Variants in KCNJ6 observed in about 807,000 individuals in gnomAD.
KCNJ6 encodes potassium inwardly rectifying channel subfamily J member 6, also known as G protein-activated inward rectifier potassium channel 2.
In KCNJ6, 9 loss-of-function variants were observed where a neutral mutation model predicts 34.2. The observed-to-expected ratio is 0.26, with a 90% CI of 0.16 to 0.46. KCNJ6 has a LOEUF of 0.46. KCNJ6 is among the 20% of genes least tolerant of loss of function. The pLI is 1.00. For synonymous variants in KCNJ6, 196 were observed against 207.1 expected, an observed-to-expected ratio of 0.95 and a Z score of 0.46; for missense variants, 236 against 531.3, an observed-to-expected ratio of 0.44 and a Z score of 5.46.
intron 2 of KCNJ6, among the ~76,000 whole-genome samples, chr21:37,758,572 G>A (rs2123491749): frequency 6.6e-6 from 1 of 152,322 alleles, no homozygotes. Context: ...CAACTCTTAT[G>A]AGCCAGAGGA....
intron 1 of KCNJ6, among the ~76,000 whole-genome samples, chr21:37,857,284 C>T (rs1436892624): frequency 2.6e-5 from 4 of 152,242 alleles, no homozygotes; most frequent in African/African-American, 9.6e-5. Context: ...GAGTGAGAAA[C>T]GATGCCTAGC....
chr21:37,913,289 C>T (rs140744104), intron 1 of KCNJ6, among the ~76,000 whole-genome samples: 3 of 152,328 alleles, frequency 2.0e-5, no homozygotes, highest in African/African-American at 7.2e-5. Flanking sequence ...TCCCCTCCTG[C>T]AGTTTCTTCC....
chr21:37,822,237 T>C (rs1540011), intron 2 of KCNJ6, among the ~76,000 whole-genome samples: 46,302 of 152,014 alleles, frequency 0.3, 8,012 homozygotes, highest in South Asian at 0.39. Context: ...GCAGACACCA[T>C]TTCACAATGA....
chr21:37,854,912 T>C (rs912809395), intron 1 of KCNJ6, among the ~76,000 whole-genome samples: 27 of 152,184 alleles, frequency 1.8e-4, no homozygotes, highest in African/African-American at 6.5e-4. Context: ...ACGAATATAG[T>C]TGAAGATGCC....
intron 3 of KCNJ6, among the ~76,000 whole-genome samples, chr21:37,676,812 T>G (rs560157507): frequency 1.3e-5 from 2 of 152,336 alleles, no homozygotes; most frequent in East Asian, 3.9e-4. Context: ...GGATGGCCCC[T>G]GCAACAGAGA....
intron 3 of KCNJ6, among the ~76,000 whole-genome samples, chr21:37,638,437 G>T (rs1228570830): frequency 6.6e-6 from 1 of 152,082 alleles, no homozygotes; most frequent in Non-Finnish European, 1.5e-5. Flanking sequence ...GTGAGCCACC[G>T]CTCCCAGCCA....
chr21:37,814,760 T>A (rs1055918019), intron 2 of KCNJ6, among the ~76,000 whole-genome samples: 5 of 151,674 alleles, frequency 3.3e-5, no homozygotes, highest in Non-Finnish European at 7.4e-5. Flanking sequence ...TAGCCAGGCG[T>A]GGTGGCGGGC....
intron 1 of KCNJ6, among the ~76,000 whole-genome samples, chr21:37,882,665 TG>T (rs1465429611): frequency 6.6e-6 from 1 of 152,164 alleles, no homozygotes; most frequent in Non-Finnish European, 1.5e-5. Context: ...GCTCCAACTG[TG>T]GTGGGAGGCA....
chr21:37,607,482 A>ATATATATATATATATATATATATTTTT lies in KCNJ6; in HGVS notation c.*17676_*17677insAAAAATATATATATATATATATATATA. On this transcript the variant is annotated 3_prime_UTR_variant, in exon 4 of 4. Transcript: ENST00000609713. Reference sequence around the variant, plus strand: ...CTTAAAGATATATATATATATATATATTTTTTTTTTATTTTAAAAAAATTT... The same window carrying ATATATATATATATATATATATATTTTT: ...CTTAAAGATATATATATATATATATATATATATATATATATATATATATTTTTTTTTTTTTTTATTTTAAAAAAATTT... 1 of 136,758 alleles carries ATATATATATATATATATATATATTTTT rather than the reference A, an allele frequency of 7.3e-6. No individual in the cohort carries two copies. The highest frequency in any genetic ancestry group is 2.4e-4 in the South Asian group (1 of 4,178). 8.5% of individuals were successfully genotyped at this position (136,758 alleles called of 1,614,324 possible).
intron 2 of KCNJ6, among the ~76,000 whole-genome samples, chr21:37,773,025 C>T (rs1258488974): frequency 6.6e-6 from 1 of 152,170 alleles, no homozygotes; most frequent in South Asian, 2.1e-4. Context: ...TTTTCTACTT[C>T]TCTAACACGA....
rs78129161 is a variant in KCNJ6 at position 37,649,574 on chromosome 21, C to T, written c.947-24090G>A. On this transcript the variant is annotated intron_variant, in intron 3 of 3. Transcript: ENST00000609713. ...CAAGAGGCTGTCTGCGGCACCACCG[C>T]GATGTAGCCAGACCCCGCATCACCT... Among the ~76,000 whole-genome samples, 735 of 152,268 alleles carry T rather than the reference C, an allele frequency of 4.8e-3. 11 individuals are homozygous for T. Among genetic ancestry groups the T allele is most frequent in the African/African-American group, 0.017 (698 of 41,550 alleles).
intron 3 of KCNJ6, among the ~76,000 whole-genome samples, chr21:37,692,362 C>A (rs2054643900): frequency 2.6e-5 from 4 of 151,794 alleles, no homozygotes; most frequent in Admixed American, 2.6e-4. Context: ...CAAGGAGCAG[C>A]ATTAGGGGTG....
chr21:37,844,173 C>A (rs903185369), intron 1 of KCNJ6, among the ~76,000 whole-genome samples: 18 of 151,924 alleles, frequency 1.2e-4, no homozygotes, highest in African/African-American at 4.4e-4. Flanking sequence ...ATTTTCCTGC[C>A]TTAGCCTCCC....
intron 3 of KCNJ6, among the ~76,000 whole-genome samples, chr21:37,648,960 C>A (rs754903167): frequency 4.6e-5 from 7 of 151,706 alleles, no homozygotes; most frequent in African/African-American, 9.7e-5. Flanking sequence ...GGTGAAACCC[C>A]GTCTCTACCA....
intron 1 of KCNJ6, among the ~76,000 whole-genome samples, chr21:37,847,057 CTAAT>C (rs1244854912): frequency 6.6e-6 from 1 of 152,066 alleles, no homozygotes; most frequent in Non-Finnish European, 1.5e-5. Context: ...TTAAGAATCA[CTAAT>C]TAGTTTTTTG....
chr21:37,818,913 T>A (rs1009701741), intron 2 of KCNJ6, among the ~76,000 whole-genome samples: 1 of 152,064 alleles, frequency 6.6e-6, no homozygotes, highest in Non-Finnish European at 1.5e-5. Flanking sequence ...ATATTAGACT[T>A]CCAAGGTTTT....
At position 37,903,316 on chromosome 21, in the gene KCNJ6, G is replaced by A. The variant is rs191292027; in HGVS notation, c.-28+12568C>T. On this transcript the variant is annotated intron_variant, in intron 1 of 3. Coordinates refer to ENST00000609713, the MANE Select transcript of KCNJ6 (RefSeq NM_002240.5). ...TGGTTTTATAAAGAGGCATTCCCCC[G>A]CACAAGCTCTCTTGCCTGTCACCAT... Among the ~76,000 whole-genome samples, 67 of 152,218 alleles carry A rather than the reference G, an allele frequency of 4.4e-4. 1 individual carries two copies. In the South Asian group the frequency reaches 0.013, roughly 29 times the overall value.
intron 3 of KCNJ6, among the ~76,000 whole-genome samples, chr21:37,655,560 T>C (rs1189347241): frequency 6.6e-6 from 1 of 152,114 alleles, no homozygotes; most frequent in African/African-American, 2.4e-5. Flanking sequence ...AGGTAGGACA[T>C]AGGAAGGTAG....
intron 1 of KCNJ6, among the ~76,000 whole-genome samples, chr21:37,847,519 T>G (rs2123586421): frequency 6.6e-6 from 1 of 152,288 alleles, no homozygotes; most frequent in East Asian, 1.9e-4. Flanking sequence ...TCTTCAATCA[T>G]CCGATGCTGA....
Sources: allele counts gnomAD v4.1 joint callset (sites outside exome capture counted in the v4.1 genomes callset), GRCh38; gene constraint gnomAD v4.1.1; transcripts MANE v1.5; gene names NCBI Gene and HGNC (gene_info 2026-07-23, HGNC 2026-07-21).